Variants in HSF1 observed in about 807,000 individuals in gnomAD.
The protein encoded by HSF1 is heat shock factor protein 1.
In HSF1, 32 loss-of-function variants were observed where a neutral mutation model predicts 51.7. The ratio of observed to expected loss-of-function variants is 0.62; its 90% confidence interval spans 0.47 to 0.83. HSF1 has a LOEUF of 0.83. HSF1 is among the 40% of genes least tolerant of loss of function. The probability of loss-of-function intolerance (pLI) is 0.00; values close to 1 mark genes in which losing one functional copy is unlikely to be tolerated. For missense variants in HSF1, 727 were observed against 717.0 expected (o/e 1.01, Z -0.16); for synonymous variants, 396 against 309.7 (o/e 1.28, Z -2.92).
At position 144,312,185 on chromosome 8, in the gene HSF1, T is replaced by TGGCC; in HGVS notation, c.1083_1084insGGCC (p.Pro362GlyfsTer11). ...GCCACACGGACACCGAGGGCCGGCC[T>TGGCC]CCCTCCCCCCCGCCCACCTCCACCC... On this transcript the variant is annotated frameshift_variant, in exon 9 of 13. Transcript: ENST00000528838. LOFTEE classifies it high-confidence loss of function. 2.6e-6 allele frequency: 4 copies of TGGCC among 1,532,850 alleles called. No homozygotes were observed. Among genetic ancestry groups the TGGCC allele is most frequent in the Non-Finnish European group, 3.6e-6 (4 of 1,117,416 alleles). The allele number at this position is 1,532,850 out of a possible 1,614,324, so 95.0% of individuals were successfully genotyped here.
At chr8:144,312,927 C>T (rs1026679042) in intron 9 of HSF1, 5 of 590,840 alleles carry the variant, frequency 8.5e-6, no homozygotes, top group Non-Finnish European at 1.5e-5. Flanking sequence ...GGACAGGCCT[C>T]CCTGCTCTGG....
chr8:144,293,839 A>G (rs1312636744), intron 1 of HSF1, among the ~76,000 whole-genome samples: 1 of 150,652 alleles, frequency 6.6e-6, no homozygotes, highest in Non-Finnish European at 1.5e-5. Flanking sequence ...TCTAAGCTTA[A>G]TCCTACTAGC....
At chr8:144,309,198 G>T (rs1353384760) in intron 2 of HSF1, 184 bp downstream of exon 2, 4 of 663,418 alleles carry the variant, frequency 6.0e-6, no homozygotes, top group Non-Finnish European at 1.0e-5. Context: ...GTCCTTGTGG[G>T]TATGAACCTG....
intron 1 of HSF1, among the ~76,000 whole-genome samples, chr8:144,303,342 C>T (rs1554842729): frequency 6.6e-6 from 1 of 152,008 alleles, no homozygotes; most frequent in African/African-American, 2.4e-5. Context: ...TTTCTCTTAA[C>T]TTAGAGGAGC....
Position 144,311,693 on chromosome 8 carries a change from A to G in HSF1, c.724-7A>G. ...GCACTGCATGGACCTCCTGCCTTTG[A>G]TTGCAGGCCCCCTCCCCAGCCTACA... is the stretch of plus-strand genomic sequence containing the variant. On this transcript the variant is annotated splice_polypyrimidine_tract_variant and splice_region_variant and intron_variant, in intron 7 of 12. Transcript: ENST00000528838. 2 of 1,608,916 alleles carry G rather than the reference A, an allele frequency of 1.2e-6. No individual in the cohort carries two copies. The highest frequency in any genetic ancestry group is 1.7e-6 in the Non-Finnish European group (2 of 1,177,494).
In HSF1 at chr8:144,314,661, T is replaced by G; in HGVS notation, c.*331T>G. On this transcript the variant is annotated 3_prime_UTR_variant, in exon 13 of 13. Transcript: ENST00000528838. ...CGCTCCACAGAGATACACAGATATA[T>G]ACACACAGTGGATGGACGGACAAGA... 2 of 353,742 alleles carry G rather than the reference T, an allele frequency of 5.7e-6. No homozygotes were observed. Among genetic ancestry groups the G allele is most frequent in the Non-Finnish European group, 5.3e-6 (1 of 188,022 alleles). 21.9% of individuals were successfully genotyped at this position (353,742 alleles called of 1,614,324 possible).
chr8:144,306,223 C>T (rs1338871674), intron 1 of HSF1, among the ~76,000 whole-genome samples: 2 of 148,688 alleles, frequency 1.3e-5, no homozygotes, highest in Non-Finnish European at 3.0e-5. Flanking sequence ...ATCTTTGCCT[C>T]GTAAGTCCAG....
At chr8:144,313,065 CTAGGGCT>C in intron 9 of HSF1, 1 of 438,824 alleles carries the variant, frequency 2.3e-6, no homozygotes, top group South Asian at 2.5e-5. Context: ...GCCCTGTGGC[CTAGGGCT>C]TTCTTGGTCA....
At chr8:144,298,082 A>C (rs559558445) in intron 1 of HSF1, among the ~76,000 whole-genome samples, 1 of 152,210 alleles carries the variant, frequency 6.6e-6, no homozygotes, top group South Asian at 2.1e-4. Context: ...TTTTCGTGAT[A>C]TCCAGTTATG....
intron 1 of HSF1, among the ~76,000 whole-genome samples, chr8:144,296,636 C>G (rs1395373211): frequency 6.6e-6 from 1 of 152,036 alleles, no homozygotes; most frequent in Non-Finnish European, 1.5e-5. Flanking sequence ...GAAACCCCGT[C>G]TATATTAAAA....
At chr8:144,311,472 G>A in intron 6 of HSF1, 33 bp from the exon 7 acceptor site, 2 of 1,612,810 alleles carry the variant, frequency 1.2e-6, no homozygotes, top group Non-Finnish European at 1.7e-6. Context: ...CCCGAGGTGG[G>A]GGGTGGTGGC....
chr8:144,295,725 T>TTC, intron 1 of HSF1, among the ~76,000 whole-genome samples: 1 of 151,938 alleles, frequency 6.6e-6, no homozygotes, highest in South Asian at 2.1e-4. Flanking sequence ...TTTTTTTTTT[T>TTC]TTCTTTTTAA....
At chr8:144,312,453 C>T (rs896505911) in intron 9 of HSF1, among the ~76,000 whole-genome samples, 5 of 152,056 alleles carry the variant, frequency 3.3e-5, no homozygotes, top group Non-Finnish European at 7.4e-5. Flanking sequence ...CATGTCCGGA[C>T]AGGCTGCCGG....
intron 1 of HSF1, among the ~76,000 whole-genome samples, chr8:144,296,289 C>G (rs186472949): frequency 3.3e-5 from 5 of 152,312 alleles, no homozygotes; most frequent in East Asian, 3.9e-4. Context: ...GGTCACAGAT[C>G]GTGTCCGGAG....
At chr8:144,312,539 A>G in intron 9 of HSF1, 1 of 1,197,828 alleles carries the variant, frequency 8.3e-7, no homozygotes, top group Admixed American at 2.0e-5. Context: ...CGTGCTGCCC[A>G]GACACATGGC....
At chr8:144,310,010 C>T (rs1389681716) in intron 4 of HSF1, 114 bp downstream of exon 4, 45 of 1,271,930 alleles carry the variant, frequency 3.5e-5, no homozygotes, top group Non-Finnish European at 4.4e-5. Flanking sequence ...TCCACCCTCC[C>T]GCTCCACGCA....
At position 144,313,586 on chromosome 8, in the gene HSF1, C is replaced by T. The variant is rs782259133; in HGVS notation, c.1218C>T (p.Gly406=). The T allele has an allele frequency of 1.2e-6, 2 of 1,610,186 alleles. No individual in the cohort carries two copies. Among genetic ancestry groups the T allele is most frequent in the African/African-American group, 1.3e-5 (1 of 74,860 alleles). ...DNLQTMLSSH[G]FSVDTSALLD... ...TGCAGACCATGCTGAGCAGCCACGG[C>T]TTCAGCGTGGACACCAGTGCCCTGC... is the stretch of plus-strand genomic sequence containing the variant. Residue 406 remains glycine (G), a synonymous_variant, in exon 10 of 13, where the codon GGC becomes GGT. Coordinates refer to ENST00000528838, the MANE Select transcript of HSF1 (RefSeq NM_005526.4).
chr8:144,306,863 G>A (rs1322940458), intron 1 of HSF1, among the ~76,000 whole-genome samples: 1 of 152,226 alleles, frequency 6.6e-6, no homozygotes, highest in Non-Finnish European at 1.5e-5. Flanking sequence ...TGGTGATGGG[G>A]CAGAAATGTT....
At chr8:144,301,138 G>C (rs1362577990) in intron 1 of HSF1, among the ~76,000 whole-genome samples, 1 of 152,210 alleles carries the variant, frequency 6.6e-6, no homozygotes, top group Non-Finnish European at 1.5e-5. Context: ...TGACCAAAAG[G>C]CTGGACACGG....
Sources: gnomAD v4.1 joint callset for allele counts (sites outside exome capture counted in the v4.1 genomes callset) on GRCh38, gnomAD v4.1.1 for gene constraint, MANE v1.5 for transcripts, NCBI Gene and HGNC (gene_info 2026-07-23, HGNC 2026-07-21) for gene names.